The following INPP4A variants were observed in gnomAD, a reference collection of about 807,000 sequenced individuals.
INPP4A encodes inositol polyphosphate-4-phosphatase type I A.
A neutral mutation model predicts 119.8 loss-of-function variants in INPP4A; 33 were observed. The observed-to-expected ratio is 0.28, with a 90% CI of 0.21 to 0.37. INPP4A has a LOEUF of 0.37. Ranked by LOEUF, INPP4A falls within the 10% of genes least tolerant of loss-of-function variation. The pLI is 1.00. For synonymous variants in INPP4A, 496 were observed against 500.7 expected (o/e 0.99, Z 0.12); for missense variants, 956 against 1,289.9 (o/e 0.74, Z 3.97).
At chr2:98,551,263 A>T (rs1186605048) in intron 13 of INPP4A, among the ~76,000 whole-genome samples, 1 of 152,196 alleles carries the variant, frequency 6.6e-6, no homozygotes, top group South Asian at 2.1e-4. Flanking sequence ...TTGATTTTTT[A>T]AAATCCTATT....
chr2:98,530,172 TC>T (rs1447874229), intron 4 of INPP4A, among the ~76,000 whole-genome samples: 1 of 146,060 alleles, frequency 6.8e-6, no homozygotes, highest in East Asian at 2.0e-4. Flanking sequence ...AAACATCAAA[TC>T]TACCATAAGG....
rs936958411 is a variant in INPP4A at position 98,588,819 on chromosome 2, C to T, written c.*1211C>T. ...TTATATGTTTTATTGATTCTGTTTA[C>T]GATGTTTACATGTTCTTGAAAAGGT... On this transcript the variant is annotated 3_prime_UTR_variant, in exon 25 of 25. Coordinates refer to ENST00000409851, the MANE Select transcript of INPP4A (RefSeq NM_001134225.2). 3.7e-5 allele frequency: 8 copies of T among 219,094 alleles called. No individual in the cohort carries two copies. In the Admixed American group the frequency reaches 4.0e-4, roughly 11 times the overall value. 13.6% of individuals were successfully genotyped at this position (219,094 alleles called of 1,614,324 possible).
At chr2:98,508,118 A>T (rs1163539556) in intron 1 of INPP4A, among the ~76,000 whole-genome samples, 1 of 152,116 alleles carries the variant, frequency 6.6e-6, no homozygotes, top group Non-Finnish European at 1.5e-5. Flanking sequence ...ACCTCTCCTG[A>T]AAGGGAAGAA....
intron 1 of INPP4A, among the ~76,000 whole-genome samples, chr2:98,512,118 G>T (rs1200423883): frequency 6.6e-6 from 1 of 152,232 alleles, no homozygotes; most frequent in Non-Finnish European, 1.5e-5. Context: ...ACATGCCAAG[G>T]TGACAACCTC....
chr2:98,468,053 A>G (rs1370739458), intron 1 of INPP4A, among the ~76,000 whole-genome samples: 1 of 152,188 alleles, frequency 6.6e-6, no homozygotes, highest in Non-Finnish European at 1.5e-5. Context: ...TAAGTTTTAC[A>G]ATTATTTATG....
intron 13 of INPP4A, among the ~76,000 whole-genome samples, chr2:98,550,197 C>T (rs373082881): frequency 5.3e-5 from 8 of 152,180 alleles, no homozygotes; most frequent in African/African-American, 1.9e-4. Flanking sequence ...CACCCCTTGC[C>T]GTCTCCCCCC....
chr2:98,511,481 C>T (rs1685110234), intron 1 of INPP4A, among the ~76,000 whole-genome samples: 1 of 152,158 alleles, frequency 6.6e-6, no homozygotes, highest in African/African-American at 2.4e-5. Flanking sequence ...CTGCCCTGTG[C>T]AGGTATAGAG....
Position 98,549,108 on chromosome 2 carries a change from G to A in INPP4A, c.1163+2414G>A, listed in dbSNP as rs1693019228. ...TTCCTAGTTATACACCTCATAAACA[G>A]TCCTCCCTTCCAACTGCAATGTTCT... On this transcript the variant is annotated intron_variant, in intron 13 of 24. Transcript: ENST00000409851. 6 of 675,120 alleles carry A rather than the reference G, an allele frequency of 8.9e-6. No homozygotes were observed. The East Asian group carries it at 1.8e-4, about 20-fold the overall frequency. The allele number at this position is 675,120 out of a possible 1,614,324, so 41.8% of individuals were successfully genotyped here.
intron 8 of INPP4A, among the ~76,000 whole-genome samples, 183 bp downstream of exon 8, chr2:98,538,157 C>T (rs1407454213): frequency 6.6e-6 from 1 of 152,160 alleles, no homozygotes; most frequent in Non-Finnish European, 1.5e-5. Context: ...AGGGCTCCTG[C>T]CTGTAAAGCC....
chr2:98,561,905 G>A (rs13398907), intron 17 of INPP4A, among the ~76,000 whole-genome samples: 4,134 of 152,200 alleles, frequency 0.027, 190 homozygotes, highest in African/African-American at 0.095. Flanking sequence ...CATATAATTG[G>A]CATACATTCA....
chr2:98,464,109 G>T (rs1172526038), intron 1 of INPP4A, among the ~76,000 whole-genome samples: 3 of 152,146 alleles, frequency 2.0e-5, no homozygotes, highest in Admixed American at 6.5e-5. Flanking sequence ...AGGTTTTGAG[G>T]CTCCACCCTG....
At position 98,518,957 on chromosome 2, in the gene INPP4A, T is replaced by G. The variant is rs1686665405; in HGVS notation, c.-165-7T>G. ...AGCTTGTTAAGTTTTCGCTTTCTTA[T>G]TTTTAGATGATGGATTTGGACATGC... On this transcript the variant is annotated splice_region_variant and splice_polypyrimidine_tract_variant and intron_variant, in intron 1 of 24. Coordinates refer to ENST00000409851, the MANE Select transcript of INPP4A (RefSeq NM_001134225.2). 1 of 152,222 alleles carries G rather than the reference T, an allele frequency of 6.6e-6. No individual in the cohort carries two copies. The highest frequency in any genetic ancestry group is 2.4e-5 in the African/African-American group (1 of 41,464). 9.4% of individuals were successfully genotyped at this position (152,222 alleles called of 1,614,324 possible).
intron 24 of INPP4A, among the ~76,000 whole-genome samples, chr2:98,581,035 G>T (rs1699224163): frequency 6.6e-6 from 1 of 152,214 alleles, no homozygotes; most frequent in African/African-American, 2.4e-5. Context: ...CTCTGCGCTT[G>T]GTTGGTTGGT....
intron 23 of INPP4A, among the ~76,000 whole-genome samples, chr2:98,574,180 C>T (rs1698010584): frequency 6.6e-6 from 1 of 152,048 alleles, no homozygotes; most frequent in East Asian, 1.9e-4. Flanking sequence ...TAGGGCAGGG[C>T]ACACACTGGC....
rs1452149779 is a variant in INPP4A at position 98,547,779 on chromosome 2, A to G, written c.1163+1085A>G. ...AGGTGTTCATCAGAAGGGCCAGGAG[A>G]AGAGGTGGGGCTGCAGAGAGATGTT... On this transcript the variant is annotated intron_variant, in intron 13 of 24. Transcript: ENST00000409851. Among the ~76,000 whole-genome samples, 3 of 151,854 alleles carry G rather than the reference A, an allele frequency of 2.0e-5. No homozygotes were observed. In the East Asian group the frequency reaches 5.8e-4, roughly 29 times the overall value.
At position 98,554,591 on chromosome 2, in the gene INPP4A, C is replaced by A; in HGVS notation, c.1566+102C>A. 1 of 978,362 alleles carries A rather than the reference C, an allele frequency of 1.0e-6. No homozygotes were observed. Among genetic ancestry groups the A allele is most frequent in the Non-Finnish European group, 1.5e-6 (1 of 648,582 alleles). 60.6% of individuals were successfully genotyped at this position (978,362 alleles called of 1,614,324 possible). A position where few individuals can be genotyped will look rare whatever the true frequency, so the allele number is the denominator to read the frequency against. On this transcript the variant is annotated intron_variant, in intron 15 of 24. Coordinates refer to ENST00000409851, the MANE Select transcript of INPP4A (RefSeq NM_001134225.2). This position sits in a 1 kb window ranked among gnomAD's most constrained non-coding sequence, Gnocchi z 4.7. ...CCCTCTGAAGTGCCTCAAGGTTCAA[C>A]TGCTGTGAACAAGCTCCAGGTTTCC...
intron 1 of INPP4A, among the ~76,000 whole-genome samples, chr2:98,507,002 G>T (rs539262385): frequency 2.0e-4 from 30 of 152,200 alleles, no homozygotes. Context: ...TTTGATCCTC[G>T]TTCACAGTCC....
intron 1 of INPP4A, among the ~76,000 whole-genome samples, chr2:98,473,953 G>A (rs537646475): frequency 1.2e-4 from 19 of 152,166 alleles, no homozygotes; most frequent in African/African-American, 4.6e-4. Context: ...GTGATATATC[G>A]AGAAGAATCA....
At chr2:98,465,262 C>T (rs1182450474) in intron 1 of INPP4A, among the ~76,000 whole-genome samples, 4 of 152,170 alleles carry the variant, frequency 2.6e-5, no homozygotes, top group East Asian at 3.9e-4. Context: ...GCTGGCTTGC[C>T]TCGGCTGCCG....
Sources: allele counts gnomAD v4.1 joint callset (sites outside exome capture counted in the v4.1 genomes callset), GRCh38; gene constraint gnomAD v4.1.1; non-coding constraint Gnocchi (gnomAD v3.1); transcripts MANE v1.5; gene names NCBI Gene and HGNC (gene_info 2026-07-23, HGNC 2026-07-21).